MAP2K2: variants seen among roughly 807,000 people sequenced by gnomAD.
MAP2K2 encodes the protein dual specificity mitogen-activated protein kinase kinase 2.
In MAP2K2, 24 loss-of-function variants were observed where a neutral mutation model predicts 43.7. The observed-to-expected ratio is 0.55, with a 90% CI of 0.40 to 0.77. The LOEUF (loss-of-function observed/expected upper bound fraction) is 0.77, where lower values mean the gene tolerates loss of function less well. Ranked by LOEUF, MAP2K2 falls within the 30% of genes least tolerant of loss-of-function variation. MAP2K2 has a pLI of 0.00. For synonymous variants in MAP2K2, 244 were observed against 239.7 expected (o/e 1.02, Z -0.17); for missense variants, 470 against 566.8 (o/e 0.83, Z 1.73).
intron 3 of MAP2K2, chr19:4,103,280 G>C (rs1397980677): frequency 2.0e-6 from 2 of 983,672 alleles, no homozygotes; most frequent in Non-Finnish European, 2.4e-6. Context: ...CATAAATGAT[G>C]AAACAGAAAT....
chr19:4,119,497 C>T (rs1411334061), intron 1 of MAP2K2, among the ~76,000 whole-genome samples: 1 of 152,172 alleles, frequency 6.6e-6, no homozygotes, highest in African/African-American at 2.4e-5. Flanking sequence ...GCTGGGATTA[C>T]AGACATAAGC....
chr19:4,107,933 A>C (rs1172439795), intron 3 of MAP2K2, among the ~76,000 whole-genome samples: 1 of 152,126 alleles, frequency 6.6e-6, no homozygotes, highest in Non-Finnish European at 1.5e-5. Context: ...TCCTGTCCCG[A>C]ACCCGTGGTA....
chr19:4,111,481 G>A (rs1261934388), intron 2 of MAP2K2, among the ~76,000 whole-genome samples: 1 of 152,080 alleles, frequency 6.6e-6, no homozygotes, highest in East Asian at 1.9e-4. Flanking sequence ...GGTCTATCCC[G>A]AGCCCCTTCC....
chr19:4,097,549 C>T (rs2040937315), intron 7 of MAP2K2, among the ~76,000 whole-genome samples: 2 of 152,258 alleles, frequency 1.3e-5, no homozygotes, highest in South Asian at 4.1e-4. Flanking sequence ...TTGCCTGAGC[C>T]TCTAGTGAAT....
At chr19:4,110,965 A>G (rs2145071078) in intron 2 of MAP2K2, among the ~76,000 whole-genome samples, 1 of 152,304 alleles carries the variant, frequency 6.6e-6, no homozygotes, top group African/African-American at 2.4e-5. Context: ...CGTAAAGAGG[A>G]ACCAGGCCAA....
rs929356112 is a variant in MAP2K2, at chr19:4,094,243, C to T, written c.1092+210G>A. On this transcript the variant is annotated intron_variant, in intron 10 of 10. Transcript: ENST00000262948. ...AGAGCTGTTCCCACGCACACACCCT[C>T]TGCTCCCCGCAGCCAGCCCAGGATG... is the stretch of plus-strand genomic sequence containing the variant. Among the ~76,000 whole-genome samples, 25 of 152,314 alleles carry T rather than the reference C, an allele frequency of 1.6e-4. 2 individuals carry two copies. Among genetic ancestry groups the T allele is most frequent in the Admixed American group, 7.8e-4 (12 of 15,308 alleles).
At chr19:4,113,237 G>A (rs145868465) in intron 2 of MAP2K2, among the ~76,000 whole-genome samples, 132 of 152,332 alleles carry the variant, frequency 8.7e-4, no homozygotes, top group Middle Eastern at 3.4e-3. Context: ...CGTCGGAAGC[G>A]AGAGGCCTTC....
At chr19:4,122,484 G>A (rs556344145) in intron 1 of MAP2K2, among the ~76,000 whole-genome samples, 1 of 82,580 alleles carries the variant, frequency 1.2e-5, no homozygotes, top group African/African-American at 5.1e-5. Context: ...TCTCCCCCAA[G>A]GGACTCGCTT....
In MAP2K2 at chr19:4,092,834, G is replaced by T. The variant is rs187876343; in HGVS notation, c.1092+1619C>A. Among the ~76,000 whole-genome samples, 53 of 152,288 alleles carry T rather than the reference G, an allele frequency of 3.5e-4. No individual in the cohort carries two copies. In the South Asian group the frequency reaches 0.01, roughly 29 times the overall value. On this transcript the variant is annotated intron_variant, in intron 10 of 10. Coordinates refer to ENST00000262948, the MANE Select transcript of MAP2K2 (RefSeq NM_030662.4). Reference sequence around the variant, plus strand: ...CACCTGTAATCCCAGCCCTCTGGGAGGCCAAGGTGGGAGAATCATTTGAGC... The same window carrying T: ...CACCTGTAATCCCAGCCCTCTGGGATGCCAAGGTGGGAGAATCATTTGAGC...
At position 4,094,476 on chromosome 19, in the gene MAP2K2, G is replaced by A. The variant is rs945585174; in HGVS notation, c.1069C>T (p.Arg357Trp). Residue 357 changes from arginine to tryptophan, a missense_variant, in exon 10 of 11, where the codon CGG becomes TGG. Coordinates refer to ENST00000262948, the MANE Select transcript of MAP2K2 (RefSeq NM_030662.4). ...NKCLIKNPAE[R>W]ADLKMLTNHT... ...ACTGTGAGCATCTTCAGGTCCGCCC[G>A]CTCCGCTGGGTTCTTGATGAGGCTG... The A allele has an allele frequency of 3.2e-6, 5 of 1,568,342 alleles. No homozygotes were observed. Among genetic ancestry groups the A allele is most frequent in the East Asian group, 2.3e-5 (1 of 43,004 alleles).
chr19:4,093,323 G>A (rs536380191), intron 10 of MAP2K2, among the ~76,000 whole-genome samples: 2 of 152,296 alleles, frequency 1.3e-5, no homozygotes, highest in East Asian at 1.9e-4. Flanking sequence ...ACTTGAGCAC[G>A]GGAGTTGGGG....
chr19:4,103,884 C>T (rs1447677032), intron 3 of MAP2K2, among the ~76,000 whole-genome samples: 7 of 152,302 alleles, frequency 4.6e-5, no homozygotes, highest in Admixed American at 2.0e-4. Flanking sequence ...GGTGCCAGGA[C>T]GGGAGCTCCA....
chr19:4,091,249 G>A (rs981567760), intron 10 of MAP2K2, among the ~76,000 whole-genome samples: 7 of 152,224 alleles, frequency 4.6e-5, no homozygotes, highest in South Asian at 2.1e-4. Context: ...CGTCCCACTC[G>A]CCAGCACATG....
intron 3 of MAP2K2, among the ~76,000 whole-genome samples, chr19:4,105,270 CT>C (rs760235658): frequency 8.2e-4 from 113 of 137,190 alleles, no homozygotes; most frequent in African/African-American, 8.2e-4. Flanking sequence ...ATTTTTCTTT[CT>C]TTTTTTTTTT....
intron 2 of MAP2K2, among the ~76,000 whole-genome samples, chr19:4,112,675 C>A (rs2041169281): frequency 6.6e-6 from 1 of 152,070 alleles, no homozygotes; most frequent in East Asian, 1.9e-4. Flanking sequence ...CCTGCCCGCC[C>A]CTGCCTGCCC....
intron 3 of MAP2K2, 83 bp downstream of exon 3, chr19:4,110,426 G>C (rs1472951938): frequency 6.4e-7 from 1 of 1,554,580 alleles, no homozygotes; most frequent in Non-Finnish European, 8.8e-7. Context: ...CTGAGGAAAG[G>C]GGCCGTGAGG....
chr19:4,108,794 T>C (rs557922077), intron 3 of MAP2K2, among the ~76,000 whole-genome samples: 88 of 152,142 alleles, frequency 5.8e-4, no homozygotes, highest in African/African-American at 2.0e-3. Context: ...ACAGAACTCC[T>C]GAGTAGCGAG....
chr19:4,118,126 C>G (rs1308018998), intron 1 of MAP2K2, among the ~76,000 whole-genome samples: 1 of 152,044 alleles, frequency 6.6e-6, no homozygotes, highest in African/African-American at 2.4e-5. Flanking sequence ...TCAGTAGAGA[C>G]AGGGTTTCGC....
At chr19:4,111,861 G>A (rs1243358420) in intron 2 of MAP2K2, among the ~76,000 whole-genome samples, 2 of 152,190 alleles carry the variant, frequency 1.3e-5, no homozygotes, top group Non-Finnish European at 2.9e-5. Context: ...GCTGAGGCAG[G>A]AGAATCACTT....
Sources: allele counts gnomAD v4.1 joint callset (sites outside exome capture counted in the v4.1 genomes callset), GRCh38; gene constraint gnomAD v4.1.1; transcripts MANE v1.5; gene names NCBI Gene and HGNC (gene_info 2026-07-23, HGNC 2026-07-21).